Variants in CNTNAP2 observed in about 807,000 individuals in gnomAD.
The protein encoded by CNTNAP2 is contactin associated protein 2.
CNTNAP2 carries 98 observed loss-of-function variants against 155.2 expected under a neutral mutation model. The observed-to-expected ratio is 0.63, with a 90% confidence interval of 0.54 to 0.75. The LOEUF (loss-of-function observed/expected upper bound fraction) is 0.75, where lower values mean the gene tolerates loss of function less well. Ranked by LOEUF, CNTNAP2 falls within the 30% of genes least tolerant of loss-of-function variation. The probability of loss-of-function intolerance (pLI) is 0.00; values close to 1 mark genes in which losing one functional copy is unlikely to be tolerated. For synonymous variants in CNTNAP2, 651 were observed against 631.2 expected (o/e 1.03, Z -0.47); for missense variants, 1,727 against 1,688.1 (o/e 1.02, Z -0.40).
chr7:147,973,632 TC>T (rs1801375356), intron 14 of CNTNAP2, among the ~76,000 whole-genome samples: 1 of 152,326 alleles, frequency 6.6e-6, no homozygotes, highest in South Asian at 2.1e-4. Flanking sequence ...ACAAGTAACC[TC>T]AATATTTCAG....
At chr7:147,211,916 C>T (rs1803154748) in intron 8 of CNTNAP2, among the ~76,000 whole-genome samples, 1 of 151,690 alleles carries the variant, frequency 6.6e-6, no homozygotes, top group African/African-American at 2.4e-5. Flanking sequence ...TAAAAACAAC[C>T]CCATTAAAAA....
At chr7:147,652,500 G>T (rs1243643481) in intron 13 of CNTNAP2, among the ~76,000 whole-genome samples, 2 of 152,266 alleles carry the variant, frequency 1.3e-5, no homozygotes, top group African/African-American at 4.8e-5. Context: ...AGGTTCACCT[G>T]GGCATTTTAT....
At chr7:147,080,702 A>AAT (rs1204517271) in intron 4 of CNTNAP2, among the ~76,000 whole-genome samples, 5 of 147,706 alleles carry the variant, frequency 3.4e-5, no homozygotes, top group Non-Finnish European at 6.0e-5. Flanking sequence ...ATATAAAATA[A>AAT]ATATATATAA....
intron 1 of CNTNAP2, among the ~76,000 whole-genome samples, chr7:146,310,101 T>C (rs969436827): frequency 6.6e-6 from 1 of 152,174 alleles, no homozygotes; most frequent in Non-Finnish European, 1.5e-5. Context: ...AACTTGGTAT[T>C]TTTAATGCTA....
intron 3 of CNTNAP2, among the ~76,000 whole-genome samples, chr7:146,875,793 C>G (rs993032439): frequency 7.3e-5 from 11 of 151,228 alleles, no homozygotes; most frequent in African/African-American, 2.7e-4. Context: ...TGCCTATGAT[C>G]CCAGCACTTT....
At chr7:147,902,091 G>C (rs938661339) in intron 13 of CNTNAP2, among the ~76,000 whole-genome samples, 1 of 152,202 alleles carries the variant, frequency 6.6e-6, no homozygotes, top group Non-Finnish European at 1.5e-5. Context: ...GTATGGTGTA[G>C]AATCAGTTCA....
chr7:147,684,312 T>A (rs927034507), intron 13 of CNTNAP2, among the ~76,000 whole-genome samples: 1 of 151,914 alleles, frequency 6.6e-6, no homozygotes, highest in Non-Finnish European at 1.5e-5. Flanking sequence ...CTTGTTGGTA[T>A]GCTTTATCAC....
chr7:146,196,262 C>A (rs1262297997), intron 1 of CNTNAP2, among the ~76,000 whole-genome samples: 1 of 152,122 alleles, frequency 6.6e-6, no homozygotes, highest in Non-Finnish European at 1.5e-5. Context: ...AATAACACTT[C>A]CATGGAATTA....
At chr7:146,181,877 C>T (rs1798554562) in intron 1 of CNTNAP2, among the ~76,000 whole-genome samples, 1 of 152,120 alleles carries the variant, frequency 6.6e-6, no homozygotes, top group Non-Finnish European at 1.5e-5. Flanking sequence ...GAGTGCATGG[C>T]ACTCTTGATA....
At chr7:146,861,611 C>T (rs1033769887) in intron 3 of CNTNAP2, among the ~76,000 whole-genome samples, 1 of 151,902 alleles carries the variant, frequency 6.6e-6, no homozygotes, top group African/African-American at 2.4e-5. Flanking sequence ...AGGGGGTAAC[C>T]ATAAAATTCC....
chr7:146,826,958 A>G (rs1171846516), intron 2 of CNTNAP2, among the ~76,000 whole-genome samples: 1 of 151,654 alleles, frequency 6.6e-6, no homozygotes, highest in Non-Finnish European at 1.5e-5. Context: ...GCTCTGGAGA[A>G]GTCTAATTCT....
At chr7:148,077,207 T>C (rs1372984497) in intron 15 of CNTNAP2, among the ~76,000 whole-genome samples, 3 of 151,714 alleles carry the variant, frequency 2.0e-5, no homozygotes, top group Non-Finnish European at 4.4e-5. Context: ...CTCAGGAGGC[T>C]GAGGCAGGAG....
At chr7:147,813,663 G>T (rs1187748708) in intron 13 of CNTNAP2, among the ~76,000 whole-genome samples, 1 of 152,172 alleles carries the variant, frequency 6.6e-6, no homozygotes, top group Non-Finnish European at 1.5e-5. Context: ...ATTCTCCAAT[G>T]TTACTTCTGT....
chr7:147,434,091 G>A (rs758479305), intron 10 of CNTNAP2, among the ~76,000 whole-genome samples: 1 of 152,206 alleles, frequency 6.6e-6, no homozygotes, highest in Non-Finnish European at 1.5e-5. Context: ...AGCCTGCAAG[G>A]TTAGAACTGA....
chr7:147,187,933 C>CACCT (rs1204601127), intron 8 of CNTNAP2, among the ~76,000 whole-genome samples: 8 of 152,012 alleles, frequency 5.3e-5, no homozygotes. Context: ...TGGTGGTGCA[C>CACCT]ACCTGTGGTC....
chr7:146,464,139 A>G (rs7810640), intron 1 of CNTNAP2, among the ~76,000 whole-genome samples: 142,395 of 150,216 alleles, frequency 0.95, 68,010 homozygotes, highest in East Asian at 1. Context: ...TTAATGAACC[A>G]TCTCAACAGA....
intron 14 of CNTNAP2, among the ~76,000 whole-genome samples, chr7:147,962,512 A>G (rs1373351108): frequency 6.6e-6 from 1 of 152,178 alleles, no homozygotes; most frequent in Non-Finnish European, 1.5e-5. Context: ...TTCTTTATAC[A>G]TGTGTTGAAT....
At chr7:147,132,980 A>G (rs1801407191) in intron 8 of CNTNAP2, among the ~76,000 whole-genome samples, 1 of 152,122 alleles carries the variant, frequency 6.6e-6, no homozygotes, top group Non-Finnish European at 1.5e-5. Flanking sequence ...TGCTAAAATT[A>G]TGCAAATGGT....
chr7:146,358,102 T>G (rs1795027630), intron 1 of CNTNAP2, among the ~76,000 whole-genome samples: 1 of 152,102 alleles, frequency 6.6e-6, no homozygotes, highest in Non-Finnish European at 1.5e-5. Context: ...TGGCATGATC[T>G]CGGCTCACTG....
Sources: gnomAD v4.1 joint callset for allele counts (sites outside exome capture counted in the v4.1 genomes callset) on GRCh38, gnomAD v4.1.1 for gene constraint, MANE v1.5 for transcripts, NCBI Gene and HGNC (gene_info 2026-07-23, HGNC 2026-07-21) for gene names.